ADGB: variants seen among roughly 807,000 people sequenced by gnomAD.
ADGB encodes androglobin, also known as calpain-7-like protein.
In ADGB, 172 loss-of-function variants were observed where a neutral mutation model predicts 210.5. That is an observed-to-expected ratio of 0.82 (90% CI 0.72 to 0.93). The LOEUF (loss-of-function observed/expected upper bound fraction) is 0.93, where lower values mean the gene tolerates loss of function less well. Ranked by LOEUF, ADGB falls within the 40% of genes least tolerant of loss-of-function variation. The probability of loss-of-function intolerance (pLI) is 0.00; values close to 1 mark genes in which losing one functional copy is unlikely to be tolerated. For missense variants in ADGB, 2,025 were observed against 1,964.8 expected (o/e 1.03, Z -0.58); for synonymous variants, 658 against 662.7 (o/e 0.99, Z 0.11).
intron 26 of ADGB, among the ~76,000 whole-genome samples, chr6:146,752,201 G>A (rs536495601): frequency 6.0e-4 from 92 of 152,122 alleles, no homozygotes; most frequent in Non-Finnish European, 1.1e-3. Flanking sequence ...TCCAATCATG[G>A]CAGAAGAGGA....
At chr6:146,600,410 C>G in intron 1 of ADGB, 1 of 209,288 alleles carries the variant, frequency 4.8e-6, no homozygotes, top group Non-Finnish European at 1.0e-5. Flanking sequence ...CTTCTCTCCA[C>G]TCCCTGAGTC....
intron 1 of ADGB, among the ~76,000 whole-genome samples, chr6:146,616,405 T>C (rs764744739): frequency 5.9e-5 from 9 of 152,242 alleles, no homozygotes; most frequent in Non-Finnish European, 1.0e-4. Flanking sequence ...TTTCTTGTAC[T>C]GTGCAGCAGC....
At chr6:146,667,059 A>G (rs1443768167) in intron 7 of ADGB, among the ~76,000 whole-genome samples, 157 bp downstream of exon 7, 1 of 151,932 alleles carries the variant, frequency 6.6e-6, no homozygotes, top group Non-Finnish European at 1.5e-5. Context: ...GTTCCTTGGG[A>G]ATTTCAGGGT....
chr6:146,697,488 C>T (rs1420818427), intron 12 of ADGB, among the ~76,000 whole-genome samples: 1 of 151,892 alleles, frequency 6.6e-6, no homozygotes, highest in African/African-American at 2.4e-5. Flanking sequence ...ATTCTAGAAG[C>T]AAGGAGTATA....
intron 1 of ADGB, among the ~76,000 whole-genome samples, chr6:146,614,176 T>TCTCCCTCC (rs147963385): frequency 1.6e-4 from 22 of 139,338 alleles, no homozygotes; most frequent in African/African-American, 4.0e-4. Context: ...ACTTGTTTTC[T>TCTCCCTCC]CTCCCTCCCT....
chr6:146,715,488 AGCTTC>A, intron 14 of ADGB, 73 bp downstream of exon 14: 1 of 1,066,104 alleles, frequency 9.4e-7, no homozygotes, highest in Non-Finnish European at 1.3e-6. Flanking sequence ...GCTTCTTGAC[AGCTTC>A]CCTTCTGGCT....
chr6:146,701,180 C>G, intron 13 of ADGB, 110 bp downstream of exon 13: 1 of 1,241,852 alleles, frequency 8.1e-7, no homozygotes, highest in South Asian at 1.4e-5. Flanking sequence ...TGGATCTGAA[C>G]AGTATAAAGA....
At chr6:146,755,631 A>G (rs1777395578) in intron 27 of ADGB, among the ~76,000 whole-genome samples, 1 of 152,062 alleles carries the variant, frequency 6.6e-6, no homozygotes, top group Non-Finnish European at 1.5e-5. Context: ...TAAATTATCT[A>G]GTCGGGCAGT....
chr6:146,745,673 C>A (rs2114603999), intron 25 of ADGB, among the ~76,000 whole-genome samples: 1 of 152,222 alleles, frequency 6.6e-6, no homozygotes, highest in African/African-American at 2.4e-5. Flanking sequence ...TGTAGTTAAG[C>A]ACTTTATTTT....
chr6:146,695,867 A>G (rs182224089), intron 12 of ADGB, among the ~76,000 whole-genome samples: 1,968 of 152,214 alleles, frequency 0.013, 25 homozygotes, highest in Middle Eastern at 0.037. Flanking sequence ...ATAATGCAAC[A>G]TAACTAAGTG....
At chr6:146,727,616 A>G (rs1776916407) in intron 19 of ADGB, among the ~76,000 whole-genome samples, 1 of 152,086 alleles carries the variant, frequency 6.6e-6, no homozygotes, top group African/African-American at 2.4e-5. Flanking sequence ...TTACTTCCTG[A>G]TGTTGAAAAG....
chr6:146,675,041 A>C (rs1281444457), intron 8 of ADGB, among the ~76,000 whole-genome samples: 1 of 152,176 alleles, frequency 6.6e-6, no homozygotes, highest in African/African-American at 2.4e-5. Flanking sequence ...TTCACAAATA[A>C]AATTTTGATA....
chr6:146,799,535 GA>G (rs35756296), intron 33 of ADGB, among the ~76,000 whole-genome samples: 54,042 of 93,420 alleles, frequency 0.58, 14,040 homozygotes, highest in Admixed American at 0.67. Context: ...TCTGGGGGGA[GA>G]AAAAAAAAAA....
At chr6:146,814,936 C>T (rs1256552500) in intron 35 of ADGB, 96 bp from the exon 36 acceptor site, 19 of 1,195,112 alleles carry the variant, frequency 1.6e-5, no homozygotes, top group South Asian at 8.1e-5. Flanking sequence ...AATGTGTGGG[C>T]GTAAGGACAG....
intron 27 of ADGB, among the ~76,000 whole-genome samples, chr6:146,753,252 C>G (rs1011246860): frequency 9.2e-5 from 14 of 152,046 alleles, no homozygotes; most frequent in Non-Finnish European, 1.6e-4. Flanking sequence ...AACAAGGGAA[C>G]AAGAAATGCC....
chr6:146,800,044 G>A (rs1325520764), intron 33 of ADGB, among the ~76,000 whole-genome samples: 1 of 152,064 alleles, frequency 6.6e-6, no homozygotes, highest in Non-Finnish European at 1.5e-5. Flanking sequence ...TCCTGACCTC[G>A]TGATCCACCC....
intron 1 of ADGB, among the ~76,000 whole-genome samples, chr6:146,635,088 G>A (rs1281803875): frequency 6.6e-6 from 1 of 151,916 alleles, no homozygotes; most frequent in Non-Finnish European, 1.5e-5. Context: ...ACTATATGTT[G>A]CTTGTGTTCA....
chr6:146,618,925 C>G (rs915819367), intron 1 of ADGB, among the ~76,000 whole-genome samples: 8 of 151,988 alleles, frequency 5.3e-5, no homozygotes, highest in African/African-American at 1.9e-4. Flanking sequence ...TCTAGATCAT[C>G]TGTCCAATGC....
intron 34 of ADGB, 86 bp from the exon 35 acceptor site, chr6:146,801,742 G>T: frequency 8.4e-7 from 1 of 1,183,670 alleles, no homozygotes; most frequent in Non-Finnish European, 1.2e-6. Flanking sequence ...CTGTTGATAT[G>T]ATTTAAAATT....
Sources: allele counts gnomAD v4.1 joint callset (sites outside exome capture counted in the v4.1 genomes callset), GRCh38; gene constraint gnomAD v4.1.1; transcripts MANE v1.5; gene names NCBI Gene and HGNC (gene_info 2026-07-23, HGNC 2026-07-21).